IGF2BP2: variants seen among roughly 807,000 people sequenced by gnomAD.
IGF2BP2 encodes the protein insulin like growth factor 2 mRNA binding protein 2.
Under a neutral mutation model 75.8 loss-of-function variants are expected in IGF2BP2, and 17 were observed. The ratio of observed to expected loss-of-function variants is 0.22; its 90% CI spans 0.15 to 0.34. IGF2BP2 has a LOEUF of 0.34. Ranked by LOEUF, IGF2BP2 falls within the 10% of genes least tolerant of loss-of-function variation. IGF2BP2 has a pLI of 1.00. For missense variants in IGF2BP2, 516 were observed against 772.4 expected, an observed-to-expected ratio of 0.67 and a Z score of 3.93; for synonymous variants, 288 against 295.6, an observed-to-expected ratio of 0.97 and a Z score of 0.26.
chr3:185,693,980 G>T lies in IGF2BP2; in HGVS notation c.341-1218C>A, dbSNP rs537123577. 2.6e-5 allele frequency among the ~76,000 whole-genome samples: 4 copies of T among 152,268 alleles called. No individual in the cohort carries two copies. In the South Asian group the frequency reaches 6.2e-4, roughly 24 times the overall value. On this transcript the variant is annotated intron_variant, in intron 4 of 15. Transcript: ENST00000382199. ...TGTTATTTTACAAGATTTGCAAAGGGACCTGAGACCCCGAAAAGCTTAAGG... is the reference window on the plus strand; with the variant it reads ...TGTTATTTTACAAGATTTGCAAAGGTACCTGAGACCCCGAAAAGCTTAAGG...
chr3:185,807,723 G>T (rs1739208074), intron 2 of IGF2BP2, among the ~76,000 whole-genome samples: 1 of 152,196 alleles, frequency 6.6e-6, no homozygotes, highest in South Asian at 2.1e-4. Flanking sequence ...TAAAAGAAAA[G>T]GTGATGTCAC....
intron 11 of IGF2BP2, 68 bp from the exon 12 acceptor site, chr3:185,657,470 T>G: frequency 8.3e-7 from 1 of 1,205,750 alleles, no homozygotes; most frequent in Non-Finnish European, 1.2e-6. Flanking sequence ...ACTCAACAGG[T>G]ACCAAGCACC....
At position 185,680,755 on chromosome 3, in the gene IGF2BP2, G is replaced by C. The variant is rs564489037; in HGVS notation, c.813-4842C>G. Among the ~76,000 whole-genome samples the C allele has an allele frequency of 2.0e-5, 3 of 152,234 alleles. No homozygotes were observed. In the East Asian group the frequency reaches 5.8e-4, roughly 29 times the overall value. On this transcript the variant is annotated intron_variant, in intron 7 of 15. Transcript: ENST00000382199. Reference sequence around the variant, plus strand: ...GGCCAGGGGTTCAAGACCAGGCTGGGAAACGTAGTGAGACCCCATTACTAT... The same window carrying C: ...GGCCAGGGGTTCAAGACCAGGCTGGCAAACGTAGTGAGACCCCATTACTAT...
chr3:185,731,974 T>C (rs565355494), intron 2 of IGF2BP2, among the ~76,000 whole-genome samples: 28 of 151,454 alleles, frequency 1.8e-4, no homozygotes, highest in Non-Finnish European at 2.7e-4. Flanking sequence ...AGAGCGAGAC[T>C]CCGTCTCAAA....
intron 2 of IGF2BP2, among the ~76,000 whole-genome samples, chr3:185,788,103 T>C (rs1331886016): frequency 2.0e-5 from 3 of 152,202 alleles, no homozygotes; most frequent in Non-Finnish European, 4.4e-5. Flanking sequence ...GGGCTCTGTA[T>C]TTAGAAATGT....
intron 2 of IGF2BP2, among the ~76,000 whole-genome samples, chr3:185,800,194 G>C (rs907879123): frequency 6.6e-6 from 1 of 152,088 alleles, no homozygotes; most frequent in Non-Finnish European, 1.5e-5. Flanking sequence ...ACCAAACACT[G>C]CATGTTCTCA....
intron 5 of IGF2BP2, among the ~76,000 whole-genome samples, chr3:185,691,963 T>A (rs1397676140): frequency 3.3e-5 from 5 of 152,040 alleles, no homozygotes; most frequent in Non-Finnish European, 7.4e-5. Context: ...GGTCTCAAAC[T>A]CCTGGGCTCA....
chr3:185,819,010 C>T (rs1163532405), intron 2 of IGF2BP2, among the ~76,000 whole-genome samples: 1 of 152,036 alleles, frequency 6.6e-6, no homozygotes, highest in South Asian at 2.1e-4. Context: ...AAGTTAAATG[C>T]TTTTTCTCTT....
intron 2 of IGF2BP2, among the ~76,000 whole-genome samples, chr3:185,714,062 C>A (rs1158163356): frequency 1.3e-5 from 2 of 152,302 alleles, no homozygotes; most frequent in Non-Finnish European, 2.9e-5. Flanking sequence ...TAGAAAAATT[C>A]TCTCTTCTAC....
chr3:185,666,017 G>C (rs1196158426), intron 10 of IGF2BP2, among the ~76,000 whole-genome samples: 2 of 148,794 alleles, frequency 1.3e-5, no homozygotes, highest in Admixed American at 6.7e-5. Flanking sequence ...TAGATAGATA[G>C]ATAGATAGAT....
intron 2 of IGF2BP2, among the ~76,000 whole-genome samples, chr3:185,701,907 G>A (rs980264341): frequency 1.3e-5 from 2 of 152,170 alleles, no homozygotes; most frequent in Non-Finnish European, 2.9e-5. Flanking sequence ...GCTGACTCCT[G>A]TGGCATCATC....
chr3:185,683,841 T>C (rs1304198444), intron 7 of IGF2BP2, among the ~76,000 whole-genome samples: 1 of 152,218 alleles, frequency 6.6e-6, no homozygotes, highest in Non-Finnish European at 1.5e-5. Flanking sequence ...CTGAAATCAC[T>C]ATAGTCATCC....
chr3:185,751,946 A>C (rs1731028986), intron 2 of IGF2BP2, among the ~76,000 whole-genome samples: 1 of 152,168 alleles, frequency 6.6e-6, no homozygotes, highest in African/African-American at 2.4e-5. Flanking sequence ...CTGGGCAACG[A>C]GGGAGACTCT....
At chr3:185,726,805 G>A (rs377433883) in intron 2 of IGF2BP2, among the ~76,000 whole-genome samples, 2 of 152,168 alleles carry the variant, frequency 1.3e-5, no homozygotes, top group East Asian at 3.9e-4. Flanking sequence ...ATACAGAAGA[G>A]GCTTGTTTCT....
intron 2 of IGF2BP2, among the ~76,000 whole-genome samples, chr3:185,815,655 G>A (rs1740505273): frequency 6.6e-6 from 1 of 152,082 alleles, no homozygotes; most frequent in Admixed American, 6.6e-5. Flanking sequence ...GAATTCCACG[G>A]AAAATGCCAT....
In IGF2BP2 at chr3:185,820,913, A is replaced by G. The variant is rs935868698; in HGVS notation, c.239+2240T>C. 3.9e-6 allele frequency: 5 copies of G among 1,284,516 alleles called. No homozygotes were observed. In the African/African-American group the frequency reaches 6.0e-5, roughly 15 times the overall value. The allele number at this position is 1,284,516 out of a possible 1,614,324, so 79.6% of individuals were successfully genotyped here. A position where few individuals can be genotyped will look rare whatever the true frequency, so the allele number is the denominator to read the frequency against. On this transcript the variant is annotated intron_variant, in intron 2 of 15. Coordinates refer to ENST00000382199, the MANE Select transcript of IGF2BP2 (RefSeq NM_006548.6). ...TATAGAATTGACTTAACACTGCCAA[A>G]TTTACTTCTAACTTGTTAATATTCA...
At chr3:185,820,235 T>TACACAC (rs202064714) in intron 2 of IGF2BP2, among the ~76,000 whole-genome samples, 1,330 of 102,758 alleles carry the variant, frequency 0.013, 11 homozygotes, top group African/African-American at 0.031. Context: ...TATATACACA[T>TACACAC]ACACACACAC....
chr3:185,765,160 TTTTA>T (rs1267922618), intron 2 of IGF2BP2, among the ~76,000 whole-genome samples: 4 of 152,142 alleles, frequency 2.6e-5, no homozygotes, highest in Non-Finnish European at 1.5e-5. Flanking sequence ...AAGTTTAAAG[TTTTA>T]TTTTTCTGTC....
intron 12 of IGF2BP2, 151 bp downstream of exon 12, chr3:185,657,135 C>A (rs988915701): frequency 1.1e-5 from 6 of 562,844 alleles, no homozygotes; most frequent in Non-Finnish European, 1.6e-5. Flanking sequence ...AAGATGAGAG[C>A]GGACGGGAAT....
Sources: gnomAD v4.1 joint callset for allele counts (sites outside exome capture counted in the v4.1 genomes callset) on GRCh38, gnomAD v4.1.1 for gene constraint, MANE v1.5 for transcripts, NCBI Gene and HGNC (gene_info 2026-07-23, HGNC 2026-07-21) for gene names.